The following ANKRD30A variants were observed in gnomAD, a reference collection of about 807,000 sequenced individuals.
The protein encoded by ANKRD30A is ankyrin repeat domain-containing protein 30A.
A neutral mutation model predicts 166.3 loss-of-function variants in ANKRD30A; 170 were observed. The ratio of observed to expected loss-of-function variants is 1.02; its 90% CI spans 0.90 to 1.16. The LOEUF is 1.16. ANKRD30A is among the 50% of genes most tolerant of loss of function. The pLI is 0.00. For synonymous variants in ANKRD30A, 564 were observed against 508.9 expected, an observed-to-expected ratio of 1.11 and a Z score of -1.46; for missense variants, 1,630 against 1,518.0, an observed-to-expected ratio of 1.07 and a Z score of -1.23.
chr10:37,193,140 G>T (rs185713895), intron 26 of ANKRD30A, 46 bp from the exon 27 acceptor site: 2 of 1,605,250 alleles, frequency 1.2e-6, no homozygotes, highest in East Asian at 4.5e-5. Context: ...CATATTTTAT[G>T]AAGTATACAT....
At chr10:37,223,980 A>G (rs1257531255) in intron 34 of ANKRD30A, among the ~76,000 whole-genome samples, 1 of 151,330 alleles carries the variant, frequency 6.6e-6, no homozygotes, top group African/African-American at 2.4e-5. Context: ...CTATAATTTC[A>G]ATATATTTAT....
At chr10:37,191,898 G>C (rs1312708498) in intron 25 of ANKRD30A, among the ~76,000 whole-genome samples, 1 of 152,020 alleles carries the variant, frequency 6.6e-6, no homozygotes, top group Non-Finnish European at 1.5e-5. Context: ...CGGAGGCTGA[G>C]ACAAAAGAAT....
At chr10:37,136,757 A>T (rs1836707799) in intron 6 of ANKRD30A, 86 bp downstream of exon 6, 2 of 701,600 alleles carry the variant, frequency 2.9e-6, no homozygotes, top group South Asian at 3.9e-5. Context: ...TTCAAAAAGC[A>T]ATGTGTAAAT....
chr10:37,251,214 G>C, the ANKRD30A span, among the ~76,000 whole-genome samples: 1 of 152,166 alleles, frequency 6.6e-6, no homozygotes, highest in African/African-American at 2.4e-5. Flanking sequence ...AAGGTGGTAG[G>C]AATAAGGATT....
rs565638896 is a variant in ANKRD30A at position 37,142,102 on chromosome 10, C to T, written c.1205C>T (p.Thr402Ile). 1 of 1,612,886 alleles carries T rather than the reference C, an allele frequency of 6.2e-7. No homozygotes were observed. Among genetic ancestry groups the T allele is most frequent in the African/African-American group, 1.3e-5 (1 of 74,652 alleles). ...PREIMSPAKE[T>I]SEKFTWAAKG... ...GAAATTATGAGTCCCGCAAAAGAAA[C>T]ATCTGAGAAATTTACGTGGGCAGCA... is the stretch of plus-strand genomic sequence containing the variant. Residue 402 changes from threonine (T) to isoleucine (I), a missense_variant, in exon 7 of 36, where the codon ACA (threonine) becomes ATA (isoleucine). Coordinates refer to ENST00000361713, the MANE Select transcript of ANKRD30A (RefSeq NM_052997.3).
At position 37,130,290 on chromosome 10, in the gene ANKRD30A, C is replaced by T. The variant is rs61737412; in HGVS notation, c.422C>T (p.Thr141Met). ...DINLVDVYGNTALHYAVYSEI... is the reference protein window; with the variant it reads ...DINLVDVYGNMALHYAVYSEI... ...AATCTCGTAGATGTGTATGGCAACA[C>T]GGCTCTCCATTATGCTGTTTATAGT... is the stretch of plus-strand genomic sequence containing the variant. The change falls in exon 3 of 36, where the codon ACG (threonine) becomes ATG (methionine). Residue 141 changes from threonine to methionine, a missense_variant. Thr to Met is a moderately conservative substitution (Grantham distance 81, BLOSUM62 -1). Around this residue, in one of 4 missense-constraint regions of ANKRD30A, gnomAD observed 904 missense variants for 818.5 expected, o/e 1.10. Coordinates refer to ENST00000361713, the MANE Select transcript of ANKRD30A (RefSeq NM_052997.3). 0.082 allele frequency: 131,900 copies of T among 1,604,042 alleles called. 6,062 individuals carry two copies. The highest frequency in any genetic ancestry group is 0.095 in the Non-Finnish European group (111,263 of 1,175,184).
intron 24 of ANKRD30A, among the ~76,000 whole-genome samples, chr10:37,183,827 T>C (rs1178745192): frequency 2.7e-5 from 4 of 148,308 alleles, no homozygotes; most frequent in Non-Finnish European, 6.0e-5. Context: ...TTAGAAAACA[T>C]AAACAAAAGA....
chr10:37,208,106 G>A (rs796564278), intron 31 of ANKRD30A, among the ~76,000 whole-genome samples: 19 of 152,180 alleles, frequency 1.2e-4, no homozygotes, highest in African/African-American at 3.9e-4. Flanking sequence ...TGAGTCTTAG[G>A]TCAGGGTTTT....
At chr10:37,234,345 T>G (rs1343621414), downstream of ANKRD30A, among the ~76,000 whole-genome samples, 1 of 152,178 alleles carries the variant, frequency 6.6e-6, no homozygotes, top group East Asian at 1.9e-4. Context: ...TAAAATTAGC[T>G]TCAAAAATAC....
intron 31 of ANKRD30A, among the ~76,000 whole-genome samples, chr10:37,204,359 A>G (rs546079250): frequency 1.1e-3 from 168 of 152,276 alleles, no homozygotes; most frequent in Non-Finnish European, 1.6e-3. Context: ...CAAAAACAAG[A>G]AATGGGGAAA....
intron 13 of ANKRD30A, 118 bp from the exon 14 acceptor site, chr10:37,158,274 T>G: frequency 1.4e-6 from 2 of 1,444,686 alleles, no homozygotes; most frequent in Non-Finnish European, 1.9e-6. Context: ...CAAAACATAG[T>G]GTAATCCGTT....
intron 34 of ANKRD30A, among the ~76,000 whole-genome samples, chr10:37,224,997 C>CAAAGGGG (rs1277176308): frequency 2.0e-5 from 3 of 151,578 alleles, no homozygotes; most frequent in East Asian, 3.9e-4. Flanking sequence ...TGCTTTTCCC[C>CAAAGGGG]TTTGATGCTG....
intron 1 of ANKRD30A, among the ~76,000 whole-genome samples, chr10:37,126,482 C>T (rs943512654): frequency 6.6e-6 from 1 of 152,094 alleles, no homozygotes; most frequent in African/African-American, 2.4e-5. Context: ...ATTTTGATAT[C>T]AATGAATGTC....
rs1836711792 is a variant in ANKRD30A at position 37,136,789 on chromosome 10, A to G, written c.820+118A>G. On this transcript the variant is annotated intron_variant, in intron 6 of 35. Coordinates refer to ENST00000361713, the MANE Select transcript of ANKRD30A (RefSeq NM_052997.3). ...AAATAGCATGTGTTTACATATATACATATATGTGGGTGTGGGTGTGTGTAT... is the reference window on the plus strand; with the variant it reads ...AAATAGCATGTGTTTACATATATACGTATATGTGGGTGTGGGTGTGTGTAT... The G allele has an allele frequency of 6.5e-6, 3 of 459,766 alleles. No homozygotes were observed. The East Asian group carries it at 1.2e-4, about 19-fold the overall frequency. The allele number at this position is 459,766 out of a possible 1,614,324, so 28.5% of individuals were successfully genotyped here. A position where few individuals can be genotyped will look rare whatever the true frequency, so the allele number is the denominator to read the frequency against.
At chr10:37,147,274 T>C (rs1402235070) in intron 8 of ANKRD30A, 96 bp from the exon 9 acceptor site, 10 of 982,332 alleles carry the variant, frequency 1.0e-5, no homozygotes, top group Admixed American at 2.9e-5. Flanking sequence ...AAATTGCCTT[T>C]GAAGTCAGAA....
chr10:37,133,945 G>A lies in ANKRD30A; in HGVS notation c.647G>A (p.Gly216Glu), dbSNP rs773270304. Reference sequence around the variant, plus strand: ...GCCCTCATGCTTGCTGTATGTCATGGATCATCAGAGATAGTTGGCATGCTT... The same window carrying A: ...GCCCTCATGCTTGCTGTATGTCATGAATCATCAGAGATAGTTGGCATGCTT... ...CTALMLAVCH[G>E]SSEIVGMLLQ... Residue 216 changes from glycine (G) to glutamate (E), a missense_variant, in exon 5 of 36, where the codon GGA becomes GAA. Coordinates refer to ENST00000361713, the MANE Select transcript of ANKRD30A (RefSeq NM_052997.3). 3 of 1,613,924 alleles carry A rather than the reference G, an allele frequency of 1.9e-6. No homozygotes were observed. In the African/African-American group the frequency reaches 4.0e-5, roughly 22 times the overall value.
intron 6 of ANKRD30A, among the ~76,000 whole-genome samples, chr10:37,141,485 G>A (rs553800189): frequency 1.5e-3 from 225 of 148,658 alleles, no homozygotes; most frequent in African/African-American, 5.1e-3. Context: ...TAGGAGAATC[G>A]CTTGAGGTAG....
intron 19 of ANKRD30A, among the ~76,000 whole-genome samples, chr10:37,166,916 AT>A (rs1348711380): frequency 1.3e-5 from 2 of 152,142 alleles, no homozygotes; most frequent in African/African-American, 2.4e-5. Flanking sequence ...AATTCAAGAT[AT>A]TCCAAGACGT....
chr10:37,171,884 C>T (rs1482925067), intron 21 of ANKRD30A, among the ~76,000 whole-genome samples: 2 of 145,328 alleles, frequency 1.4e-5, no homozygotes, highest in South Asian at 2.2e-4. Context: ...CTCATATAAA[C>T]TGTGAAAATT....
Sources: allele counts gnomAD v4.1 joint callset (sites outside exome capture counted in the v4.1 genomes callset), GRCh38; gene constraint gnomAD v4.1.1; regional missense constraint gnomAD v4.1.1; transcripts MANE v1.5; gene names NCBI Gene and HGNC (gene_info 2026-07-23, HGNC 2026-07-21).